The following GNG7 variants were observed in gnomAD, a reference collection of about 807,000 sequenced individuals.
The protein encoded by GNG7 is guanine nucleotide-binding protein G(I)/G(S)/G(O) subunit gamma-7.
In GNG7, 1 loss-of-function variant was observed where a neutral mutation model predicts 4.0. The ratio of observed to expected loss-of-function variants is 0.25; its 90% CI spans 0.09 to 1.18. GNG7 has a LOEUF of 1.18. GNG7 is among the 50% of genes most tolerant of loss of function. The pLI, the probability that GNG7 is intolerant of heterozygous loss-of-function variation, is 0.50. For missense variants in GNG7, 86 were observed against 91.9 expected, an observed-to-expected ratio of 0.94 and a Z score of 0.26; for synonymous variants, 34 against 36.9, an observed-to-expected ratio of 0.92 and a Z score of 0.29.
intron 1 of GNG7, among the ~76,000 whole-genome samples, chr19:2,650,635 C>T (rs1039928048): frequency 6.6e-6 from 1 of 152,338 alleles, no homozygotes; most frequent in South Asian, 2.1e-4. Flanking sequence ...GGTCTGCACT[C>T]GGCCTCAGAG....
intron 2 of GNG7, among the ~76,000 whole-genome samples, chr19:2,635,431 C>T (rs1004033967): frequency 2.0e-5 from 3 of 152,184 alleles, no homozygotes; most frequent in African/African-American, 7.2e-5. Context: ...ATGGAGCAGA[C>T]GGTGTAAGAC....
chr19:2,679,808 C>G (rs1361665967), intron 1 of GNG7, among the ~76,000 whole-genome samples: 2 of 152,170 alleles, frequency 1.3e-5, no homozygotes, highest in African/African-American at 2.4e-5. Flanking sequence ...CTCCAGGCAC[C>G]AGGTAGCACC....
At chr19:2,539,892 C>G (rs1383545576) in intron 3 of GNG7, among the ~76,000 whole-genome samples, 2 of 148,846 alleles carry the variant, frequency 1.3e-5, no homozygotes, top group Non-Finnish European at 3.0e-5. Context: ...CTCCTTCCTT[C>G]CTTCCTCCTT....
At chr19:2,686,974 G>A (rs917147213) in intron 1 of GNG7, among the ~76,000 whole-genome samples, 7 of 151,086 alleles carry the variant, frequency 4.6e-5, no homozygotes, top group Admixed American at 2.0e-4. Context: ...GGATGGTCTC[G>A]ATCTCCTGAC....
intron 3 of GNG7, among the ~76,000 whole-genome samples, chr19:2,525,844 C>T (rs935536813): frequency 6.6e-6 from 1 of 152,112 alleles, no homozygotes; most frequent in African/African-American, 2.4e-5. Context: ...GAGTCTCGCT[C>T]TGTCGCCCAG....
intron 1 of GNG7, among the ~76,000 whole-genome samples, chr19:2,648,028 A>C (rs1447217474): frequency 2.1e-4 from 6 of 29,014 alleles, no homozygotes; most frequent in African/African-American, 7.2e-4. Context: ...ACCCTGTCTC[A>C]AAAAAAAAAA....
rs374790112 is a variant in GNG7 at position 2,696,138 on chromosome 19, C to T, written c.-135+6508G>A. ...CACCACTGCACTCCAGCCCGGGAGA[C>T]AGAGCAAGACTCCGTCAAAAAAAAA... On this transcript the variant is annotated intron_variant, in intron 1 of 4. Transcript: ENST00000382159. 1.5e-4 allele frequency among the ~76,000 whole-genome samples: 22 copies of T among 144,598 alleles called. No individual in the cohort carries two copies. The East Asian group carries it at 3.0e-3, about 20-fold the overall frequency. 94.9% of individuals were successfully genotyped at this position (144,598 alleles called of 152,430 possible). A position where few individuals can be genotyped will look rare whatever the true frequency, so the allele number is the denominator to read the frequency against.
At chr19:2,566,836 C>T (rs907905413) in intron 2 of GNG7, among the ~76,000 whole-genome samples, 60 of 152,258 alleles carry the variant, frequency 3.9e-4, no homozygotes, top group African/African-American at 1.4e-3. Context: ...GGCATGGTGG[C>T]TCAAGCCTGT....
In GNG7 at chr19:2,634,155, G is replaced by T. The variant is rs898145246; in HGVS notation, c.-78+12069C>A. 1.3e-5 allele frequency among the ~76,000 whole-genome samples: 2 copies of T among 152,152 alleles called. No homozygotes were observed. The highest frequency in any genetic ancestry group is 4.8e-5 in the African/African-American group (2 of 41,444). On this transcript the variant is annotated intron_variant, in intron 2 of 4. Transcript: ENST00000382159. This position sits in a 1 kb window ranked among gnomAD's most constrained non-coding sequence, Gnocchi z 5.3. ...CCGTCTGCCCCACTGGGCGTTTATG[G>T]TGCCTATCATGAGCAGGAAAATAAC...
chr19:2,548,571 T>G (rs2144754639), intron 3 of GNG7, among the ~76,000 whole-genome samples: 1 of 147,662 alleles, frequency 6.8e-6, no homozygotes, highest in Non-Finnish European at 1.5e-5. Context: ...TGTGGCTCAC[T>G]TGAGGTCAGG....
chr19:2,560,817 C>T (rs899527636), intron 2 of GNG7, among the ~76,000 whole-genome samples: 2 of 151,868 alleles, frequency 1.3e-5, no homozygotes, highest in Admixed American at 6.6e-5. Context: ...ATTAGCCAGG[C>T]GTGGTGGTGG....
chr19:2,575,943 A>AGG (rs1980320568), intron 2 of GNG7, among the ~76,000 whole-genome samples: 1 of 135,952 alleles, frequency 7.4e-6, no homozygotes, highest in African/African-American at 3.5e-5. Context: ...ATACAGACAC[A>AGG]CAAAGGCAGA....
At chr19:2,524,415 G>T (rs1487935897) in intron 3 of GNG7, among the ~76,000 whole-genome samples, 1 of 152,238 alleles carries the variant, frequency 6.6e-6, no homozygotes, top group Admixed American at 6.5e-5. Flanking sequence ...GTGCATGTCA[G>T]TGTGCACATG....
rs77088261 is a variant in GNG7, at chr19:2,557,063, GCA to G, written c.-77-1877_-77-1876del. Among the ~76,000 whole-genome samples the G allele has an allele frequency of 0.22, 33,046 of 150,224 alleles. 3,662 individuals are homozygous for G. Among genetic ancestry groups the G allele is most frequent in the Non-Finnish European group, 0.24 (16,425 of 67,480 alleles). ...CACGCACACTCACACACATATGCACGCACACAGACACACGCACACACGTGCAC... is the reference window on the plus strand; with the variant it reads ...CACGCACACTCACACACATATGCACGCACAGACACACGCACACACGTGCAC... On this transcript the variant is annotated intron_variant, in intron 2 of 4. Coordinates refer to ENST00000382159, the MANE Select transcript of GNG7 (RefSeq NM_052847.3). The surrounding 1 kb of genome is among the most constrained non-coding windows in gnomAD (Gnocchi z 5.1).
In GNG7 at chr19:2,557,122, C is replaced by G. The variant is rs1006702200; in HGVS notation, c.-77-1934G>C. Among the ~76,000 whole-genome samples, 2 of 151,694 alleles carry G rather than the reference C, an allele frequency of 1.3e-5. No individual in the cohort carries two copies. The highest frequency in any genetic ancestry group is 2.9e-5 in the Non-Finnish European group (2 of 67,924). On this transcript the variant is annotated intron_variant, in intron 2 of 4. Transcript: ENST00000382159. The surrounding 1 kb of genome is among the most constrained non-coding windows in gnomAD (Gnocchi z 5.1). ...ATACTCAGACACACGCACACACGTA[C>G]ACACGTGTACTGCACACTCACGCAC... is the stretch of plus-strand genomic sequence containing the variant.
At chr19:2,524,634 G>A (rs1978336236) in intron 3 of GNG7, among the ~76,000 whole-genome samples, 1 of 152,230 alleles carries the variant, frequency 6.6e-6, no homozygotes, top group Non-Finnish European at 1.5e-5. Flanking sequence ...GTCTATATGA[G>A]TGCATGTACA....
chr19:2,512,212 C>T lies in GNG7; in HGVS notation c.*2810G>A, dbSNP rs1211544028. On this transcript the variant is annotated 3_prime_UTR_variant, in exon 5 of 5. Transcript: ENST00000382159. The surrounding 1 kb of genome is among the most constrained non-coding windows in gnomAD (Gnocchi z 4.7). ...CCAGCTCCCCGTCTGGAGGTGCACG[C>T]GCGCTCCTGGAAACGCCCATAAAAC... 14 of 985,742 alleles carry T rather than the reference C, an allele frequency of 1.4e-5. No homozygotes were observed. The highest frequency in any genetic ancestry group is 6.1e-5 in the Admixed American group (1 of 16,264). 61.1% of individuals were successfully genotyped at this position (985,742 alleles called of 1,614,324 possible). A position where few individuals can be genotyped will look rare whatever the true frequency, so the allele number is the denominator to read the frequency against.
intron 1 of GNG7, among the ~76,000 whole-genome samples, chr19:2,690,385 A>T (rs539951447): frequency 5.3e-5 from 8 of 152,104 alleles, no homozygotes. Context: ...TGTCTCAAAA[A>T]ATAAAATAAA....
chr19:2,696,347 A>G (rs918255421), intron 1 of GNG7, among the ~76,000 whole-genome samples: 4 of 119,222 alleles, frequency 3.4e-5, no homozygotes, highest in African/African-American at 1.3e-4. Context: ...AGAAAGAAAG[A>G]AAAGAAAGAA....
Sources: allele counts gnomAD v4.1 joint callset (sites outside exome capture counted in the v4.1 genomes callset), GRCh38; gene constraint gnomAD v4.1.1; non-coding constraint Gnocchi (gnomAD v3.1); transcripts MANE v1.5; gene names NCBI Gene and HGNC (gene_info 2026-07-23, HGNC 2026-07-21).